NELL1: variants seen among roughly 807,000 people sequenced by gnomAD.
The protein encoded by NELL1 is neural EGFL like 1.
Under a neutral mutation model 107.4 loss-of-function variants are expected in NELL1, and 76 were observed. That is an observed-to-expected ratio of 0.71 (90% confidence interval 0.59 to 0.86). The LOEUF (loss-of-function observed/expected upper bound fraction) is 0.86. Among genes scored for constraint, NELL1 ranks in the 40% least tolerant of loss-of-function variants. The pLI is 0.00. For missense variants in NELL1, 1,024 were observed against 1,005.5 expected (o/e 1.02, Z -0.25); for synonymous variants, 353 against 341.2 (o/e 1.03, Z -0.38).
At chr11:21,282,404 T>C (rs754057640) in intron 14 of NELL1, among the ~76,000 whole-genome samples, 17 of 149,228 alleles carry the variant, frequency 1.1e-4, no homozygotes, top group African/African-American at 2.0e-4. Flanking sequence ...CGCTTGAGCT[T>C]GAGAGGTGGA....
intron 13 of NELL1, among the ~76,000 whole-genome samples, chr11:21,145,211 A>T (rs1855951659): frequency 6.6e-6 from 1 of 152,190 alleles, no homozygotes; most frequent in Non-Finnish European, 1.5e-5. Context: ...TTGTCATAAC[A>T]ATTCAGTGAG....
chr11:20,683,917 T>C (rs1323980667), intron 2 of NELL1, among the ~76,000 whole-genome samples: 1 of 151,932 alleles, frequency 6.6e-6, no homozygotes, highest in Non-Finnish European at 1.5e-5. Context: ...TATTTTATTA[T>C]GATGTCCCTG....
chr11:21,379,003 C>T (rs1041873681), intron 15 of NELL1, among the ~76,000 whole-genome samples: 1 of 152,008 alleles, frequency 6.6e-6, no homozygotes, highest in Non-Finnish European at 1.5e-5. Flanking sequence ...AACACTTGTA[C>T]ATTTTAAGGA....
intron 15 of NELL1, among the ~76,000 whole-genome samples, chr11:21,426,476 C>G (rs1852824897): frequency 6.6e-6 from 1 of 152,190 alleles, no homozygotes; most frequent in Non-Finnish European, 1.5e-5. Flanking sequence ...TAAAGACTTT[C>G]ATGAAAAGTG....
intron 14 of NELL1, among the ~76,000 whole-genome samples, chr11:21,306,540 GT>G (rs1370326488): frequency 6.6e-6 from 1 of 152,026 alleles, no homozygotes; most frequent in Non-Finnish European, 1.5e-5. Flanking sequence ...GTATGTCGAT[GT>G]TTTTATTTTC....
chr11:21,373,337 T>C (rs907719143), intron 15 of NELL1, among the ~76,000 whole-genome samples: 9 of 152,240 alleles, frequency 5.9e-5, no homozygotes, highest in African/African-American at 1.2e-4. Context: ...AATAAGTCTA[T>C]TTGCCTTCAA....
At chr11:20,731,211 A>G (rs957264740) in intron 2 of NELL1, among the ~76,000 whole-genome samples, 4 of 152,220 alleles carry the variant, frequency 2.6e-5, no homozygotes, top group Non-Finnish European at 5.9e-5. Context: ...TGGGGCACCC[A>G]GGGCTTCAGA....
At chr11:20,817,046 T>G (rs1439283063) in intron 3 of NELL1, among the ~76,000 whole-genome samples, 2 of 152,154 alleles carry the variant, frequency 1.3e-5, no homozygotes, top group Non-Finnish European at 2.9e-5. Context: ...TTTACTAGTT[T>G]TTTGTTGAGA....
intron 14 of NELL1, among the ~76,000 whole-genome samples, chr11:21,316,381 C>T (rs539846887): frequency 2.9e-4 from 44 of 152,190 alleles, no homozygotes; most frequent in Non-Finnish European, 5.6e-4. Flanking sequence ...GTCAGTTGAA[C>T]AATTTTTGAA....
intron 12 of NELL1, among the ~76,000 whole-genome samples, chr11:21,089,604 G>C (rs902118342): frequency 2.0e-5 from 3 of 152,020 alleles, no homozygotes; most frequent in Non-Finnish European, 4.4e-5. Flanking sequence ...GTAAACTTGT[G>C]GCAAGGTAAT....
rs183738554 is a variant in NELL1, at chr11:21,520,496, G to T, written c.1646-13878G>T. 1.2e-4 allele frequency among the ~76,000 whole-genome samples: 19 copies of T among 152,272 alleles called. No individual in the cohort carries two copies. In the East Asian group the frequency reaches 3.7e-3, roughly 29 times the overall value. On this transcript the variant is annotated intron_variant, in intron 15 of 19. Coordinates refer to ENST00000357134, the MANE Select transcript of NELL1 (RefSeq NM_006157.5). ...CATCTGGAGGCCATTACATGAAGAG[G>T]TTCTGGCCTATAGGGGTGGTAATAT...
At chr11:21,289,609 T>C (rs1318443490) in intron 14 of NELL1, among the ~76,000 whole-genome samples, 1 of 152,098 alleles carries the variant, frequency 6.6e-6, no homozygotes, top group Non-Finnish European at 1.5e-5. Context: ...GGGAGCTAAC[T>C]GAAGGAGTTT....
chr11:21,247,282 T>G (rs1207558252), intron 14 of NELL1, among the ~76,000 whole-genome samples: 1 of 152,214 alleles, frequency 6.6e-6, no homozygotes, highest in Non-Finnish European at 1.5e-5. Context: ...TTTAGCTTAT[T>G]ATACCTTTTT....
chr11:20,980,634 T>G (rs1412674859), intron 12 of NELL1, among the ~76,000 whole-genome samples: 4 of 152,222 alleles, frequency 2.6e-5, no homozygotes, highest in African/African-American at 9.6e-5. Context: ...GTTCTGAATT[T>G]TTTAAGATAG....
At chr11:21,388,314 A>T (rs989833262) in intron 15 of NELL1, among the ~76,000 whole-genome samples, 16 of 151,752 alleles carry the variant, frequency 1.1e-4, no homozygotes, top group Admixed American at 1.1e-3. Flanking sequence ...AAGTTATATA[A>T]CTTCTCAATC....
intron 13 of NELL1, among the ~76,000 whole-genome samples, chr11:21,219,464 A>T (rs1857698004): frequency 6.6e-6 from 1 of 152,138 alleles, no homozygotes; most frequent in African/African-American, 2.4e-5. Context: ...TTCCCTGTGC[A>T]GAAGCACTTT....
At chr11:21,076,620 A>C (rs1213407452) in intron 12 of NELL1, among the ~76,000 whole-genome samples, 1 of 152,152 alleles carries the variant, frequency 6.6e-6, no homozygotes, top group African/African-American at 2.4e-5. Flanking sequence ...TGTTGCTATA[A>C]TTTGGATGCT....
intron 2 of NELL1, among the ~76,000 whole-genome samples, chr11:20,774,917 C>G (rs1459503122): frequency 1.3e-5 from 2 of 151,726 alleles, no homozygotes; most frequent in Non-Finnish European, 2.9e-5. Context: ...AAAATGGCAC[C>G]TGAGGAGGGT....
At position 21,534,498 on chromosome 11, in the gene NELL1, C is replaced by G; in HGVS notation, c.1770C>G (p.Ser590=). 3.7e-6 allele frequency: 6 copies of G among 1,613,708 alleles called. No homozygotes were observed. Among genetic ancestry groups the G allele is most frequent in the Non-Finnish European group, 5.1e-6 (6 of 1,179,788 alleles). Residue 590 remains serine (S), a synonymous_variant, in exon 16 of 20, where the codon TCC becomes TCG. Coordinates refer to ENST00000357134, the MANE Select transcript of NELL1 (RefSeq NM_006157.5). ...ATGACGATGGGACCTATTCACTGTC[C>G]GGGGAGTCCTGTATTGGTAAGCAGC... ...GFHDDGTYSL[S]GESCIDIDEC...
Sources: gnomAD v4.1 joint callset for allele counts (sites outside exome capture counted in the v4.1 genomes callset) on GRCh38, gnomAD v4.1.1 for gene constraint, MANE v1.5 for transcripts, NCBI Gene and HGNC (gene_info 2026-07-23, HGNC 2026-07-21) for gene names.